CNTNAP2: variants seen among roughly 807,000 people sequenced by gnomAD.
The protein encoded by CNTNAP2 is contactin-associated protein-like 2.
CNTNAP2 carries 98 observed loss-of-function variants against 155.2 expected under a neutral mutation model. The observed-to-expected ratio is 0.63, with a 90% confidence interval of 0.54 to 0.75. CNTNAP2 has a LOEUF of 0.75. CNTNAP2 is among the 30% of genes least tolerant of loss of function. The pLI, the probability that CNTNAP2 is intolerant of heterozygous loss-of-function variation, is 0.00. For synonymous variants in CNTNAP2, 651 were observed against 631.2 expected (o/e 1.03, Z -0.47); for missense variants, 1,727 against 1,688.1 (o/e 1.02, Z -0.40).
chr7:147,120,468 C>G (rs1177288932), intron 5 of CNTNAP2, among the ~76,000 whole-genome samples: 1 of 152,134 alleles, frequency 6.6e-6, no homozygotes, highest in African/African-American at 2.4e-5. Context: ...TATAACAAAC[C>G]TACCAAAATT....
chr7:147,950,153 A>G (rs1006541070), intron 14 of CNTNAP2, among the ~76,000 whole-genome samples: 4 of 151,988 alleles, frequency 2.6e-5, no homozygotes, highest in Non-Finnish European at 5.9e-5. Flanking sequence ...GAAAGCAGTT[A>G]ACTACCAAGT....
intron 3 of CNTNAP2, among the ~76,000 whole-genome samples, chr7:146,958,431 T>G (rs866040294): frequency 0.03 from 3,670 of 121,934 alleles, 171 homozygotes; most frequent in African/African-American, 0.1. Flanking sequence ...TTTTTTTTTT[T>G]GAGACGGAGT....
intron 3 of CNTNAP2, among the ~76,000 whole-genome samples, chr7:146,845,010 T>A (rs911282571): frequency 6.6e-6 from 1 of 152,120 alleles, no homozygotes; most frequent in Admixed American, 6.5e-5. Context: ...CTAAGAAGTA[T>A]TAAATAGATT....
At chr7:146,725,155 T>C (rs1380621266) in intron 1 of CNTNAP2, among the ~76,000 whole-genome samples, 2 of 152,052 alleles carry the variant, frequency 1.3e-5, no homozygotes, top group African/African-American at 4.8e-5. Flanking sequence ...GGTCTCCTCA[T>C]TGTGTATATC....
chr7:148,226,032 T>G (rs1795841853), intron 19 of CNTNAP2, among the ~76,000 whole-genome samples: 1 of 152,204 alleles, frequency 6.6e-6, no homozygotes, highest in Admixed American at 6.5e-5. Context: ...TCAATGCCAC[T>G]GTGTCTCCTC....
At chr7:147,599,556 G>A (rs963556408) in intron 12 of CNTNAP2, among the ~76,000 whole-genome samples, 1 of 151,730 alleles carries the variant, frequency 6.6e-6, no homozygotes, top group African/African-American at 2.4e-5. Flanking sequence ...TCATAGTTCT[G>A]GGGAGCCAGA....
At chr7:146,466,113 A>C (rs1189801782) in intron 1 of CNTNAP2, among the ~76,000 whole-genome samples, 1 of 152,160 alleles carries the variant, frequency 6.6e-6, no homozygotes, top group African/African-American at 2.4e-5. Context: ...TGTAAACTAG[A>C]ATCAAAAAGT....
intron 9 of CNTNAP2, among the ~76,000 whole-genome samples, chr7:147,324,982 C>T (rs992417400): frequency 1.3e-5 from 2 of 152,156 alleles, no homozygotes; most frequent in African/African-American, 2.4e-5. Flanking sequence ...CTTTTTAAAA[C>T]ATCCATGTTT....
At chr7:146,307,350 A>G (rs1800732165) in intron 1 of CNTNAP2, among the ~76,000 whole-genome samples, 1 of 152,198 alleles carries the variant, frequency 6.6e-6, no homozygotes, top group Non-Finnish European at 1.5e-5. Context: ...AAATGGAAGA[A>G]CATTCCATGC....
chr7:146,147,647 T>A (rs1797975881), intron 1 of CNTNAP2, among the ~76,000 whole-genome samples: 1 of 152,108 alleles, frequency 6.6e-6, no homozygotes, highest in Non-Finnish European at 1.5e-5. Flanking sequence ...AATCAAAGAT[T>A]CACCTGTCAC....
chr7:146,157,647 A>C (rs1006659715), intron 1 of CNTNAP2, among the ~76,000 whole-genome samples: 5 of 152,158 alleles, frequency 3.3e-5, no homozygotes, highest in Admixed American at 2.6e-4. Flanking sequence ...CTAGCACAGC[A>C]GTCTGAGATC....
At chr7:146,616,639 A>G (rs1018829164) in intron 1 of CNTNAP2, among the ~76,000 whole-genome samples, 5 of 152,336 alleles carry the variant, frequency 3.3e-5, no homozygotes, top group African/African-American at 9.6e-5. Context: ...ATGATCAGCT[A>G]GTATCTGCAT....
At position 148,212,812 on chromosome 7, in the gene CNTNAP2, C is replaced by A. The variant is rs150721720; in HGVS notation, c.3011-4476C>A. Among the ~76,000 whole-genome samples, 12 of 152,252 alleles carry A rather than the reference C, an allele frequency of 7.9e-5. No homozygotes were observed. The East Asian group carries it at 2.3e-3, about 29-fold the overall frequency. ...GCAGCTGTAAATCTGCCACTTGGAGCCTTAGAGGGCTTACATCACTCCCAG... is the reference window on the plus strand; with the variant it reads ...GCAGCTGTAAATCTGCCACTTGGAGACTTAGAGGGCTTACATCACTCCCAG... On this transcript the variant is annotated intron_variant, in intron 18 of 23. Coordinates refer to ENST00000361727, the MANE Select transcript of CNTNAP2 (RefSeq NM_014141.6).
intron 1 of CNTNAP2, among the ~76,000 whole-genome samples, chr7:146,310,232 C>T (rs1385602398): frequency 2.0e-5 from 3 of 152,058 alleles, no homozygotes; most frequent in Admixed American, 6.6e-5. Flanking sequence ...ATGATAAATG[C>T]GAATAGAATT....
intron 1 of CNTNAP2, among the ~76,000 whole-genome samples, chr7:146,668,438 GTGT>G (rs1256466492): frequency 1.1e-5 from 1 of 90,152 alleles, no homozygotes; most frequent in Non-Finnish European, 3.1e-5. Flanking sequence ...CTGTGTGTGT[GTGT>G]GTGTGTGTGT....
intron 1 of CNTNAP2, among the ~76,000 whole-genome samples, chr7:146,283,316 A>G (rs1584846947): frequency 6.6e-6 from 1 of 152,218 alleles, no homozygotes; most frequent in Non-Finnish European, 1.5e-5. Context: ...ATTTAATTCA[A>G]CATTTATTTA....
intron 1 of CNTNAP2, among the ~76,000 whole-genome samples, chr7:146,224,989 A>G (rs1029211014): frequency 1.3e-5 from 2 of 152,192 alleles, no homozygotes; most frequent in Non-Finnish European, 2.9e-5. Flanking sequence ...TGAGAAGAAA[A>G]AAAAAATCCT....
At chr7:147,939,536 C>T (rs1235936349) in intron 14 of CNTNAP2, among the ~76,000 whole-genome samples, 1 of 152,040 alleles carries the variant, frequency 6.6e-6, no homozygotes, top group African/African-American at 2.4e-5. Flanking sequence ...ACCATGTTGG[C>T]CAAGCTGGTC....
chr7:147,602,354 A>C (rs1166962315), intron 12 of CNTNAP2, among the ~76,000 whole-genome samples: 2 of 105,604 alleles, frequency 1.9e-5, no homozygotes, highest in South Asian at 3.1e-4. Flanking sequence ...TATGTACTTC[A>C]GTCTATTTTT....
Sources: allele counts gnomAD v4.1 joint callset (sites outside exome capture counted in the v4.1 genomes callset), GRCh38; gene constraint gnomAD v4.1.1; transcripts MANE v1.5; gene names NCBI Gene and HGNC (gene_info 2026-07-23, HGNC 2026-07-21).